The following PLCB4 variants were observed in gnomAD, a reference collection of about 807,000 sequenced individuals.
PLCB4 encodes phospholipase C beta 4.
PLCB4 carries 77 observed loss-of-function variants against 178.8 expected under a neutral mutation model. The observed-to-expected ratio is 0.43, with a 90% CI of 0.36 to 0.52. The LOEUF is 0.52. Among genes scored for constraint, PLCB4 ranks in the 20% least tolerant of loss-of-function variants. PLCB4 has a pLI of 0.00. For synonymous variants in PLCB4, 496 were observed against 490.8 expected (o/e 1.01, Z -0.14); for missense variants, 1,024 against 1,453.4 (o/e 0.70, Z 4.80).
chr20:9,373,425 C>CT (rs1294144677), intron 12 of PLCB4, among the ~76,000 whole-genome samples: 3 of 152,104 alleles, frequency 2.0e-5, no homozygotes, highest in East Asian at 1.9e-4. Flanking sequence ...ATTTAAGGTA[C>CT]TTTTTTTCTA....
intron 3 of PLCB4, among the ~76,000 whole-genome samples, chr20:9,280,165 G>A (rs1460132557): frequency 1.3e-5 from 2 of 152,030 alleles, no homozygotes; most frequent in Non-Finnish European, 2.9e-5. Flanking sequence ...TAGAAGAGGG[G>A]CTGTGGGGTT....
At chr20:9,140,801 A>G (rs1307204123) in intron 2 of PLCB4, among the ~76,000 whole-genome samples, 1 of 152,100 alleles carries the variant, frequency 6.6e-6, no homozygotes, top group African/African-American at 2.4e-5. Context: ...GGAACCGTGA[A>G]CTAAGTAAAC....
chr20:9,108,900 A>G (rs1158557121), intron 2 of PLCB4, among the ~76,000 whole-genome samples: 2 of 10,686 alleles, frequency 1.9e-4, no homozygotes, highest in Non-Finnish European at 2.7e-4. Flanking sequence ...AGAGAAAACA[A>G]GAGAGAGAGA....
At chr20:9,127,238 G>A (rs561342138) in intron 2 of PLCB4, among the ~76,000 whole-genome samples, 3 of 152,126 alleles carry the variant, frequency 2.0e-5, no homozygotes, top group East Asian at 1.9e-4. Context: ...CAGCAGGTCC[G>A]GGAGCCTGAG....
At chr20:9,435,528 T>G (rs949552028) in intron 28 of PLCB4, 32 bp from the exon 29 acceptor site, 2 of 1,215,004 alleles carry the variant, frequency 1.6e-6, no homozygotes, top group African/African-American at 3.0e-5. Context: ...AAACAGAGAA[T>G]TAACGGCTCA....
intron 3 of PLCB4, among the ~76,000 whole-genome samples, chr20:9,296,320 C>T (rs1358742861): frequency 6.6e-6 from 1 of 152,194 alleles, no homozygotes; most frequent in Non-Finnish European, 1.5e-5. Context: ...TACCATCTCA[C>T]ACCAGTTAGA....
intron 35 of PLCB4, among the ~76,000 whole-genome samples, chr20:9,464,695 A>G (rs1038541190): frequency 7.2e-5 from 11 of 152,230 alleles, no homozygotes; most frequent in African/African-American, 2.7e-4. Flanking sequence ...AAATGGATAA[A>G]TTCCTGGACA....
intron 25 of PLCB4, among the ~76,000 whole-genome samples, chr20:9,413,442 A>G (rs993174603): frequency 4.6e-5 from 7 of 151,784 alleles, no homozygotes; most frequent in Admixed American, 3.3e-4. Flanking sequence ...GGCAGATCAC[A>G]AGGTTAGGAG....
chr20:9,368,603 C>A (rs1337059501), intron 9 of PLCB4, among the ~76,000 whole-genome samples: 1 of 152,148 alleles, frequency 6.6e-6, no homozygotes, highest in African/African-American at 2.4e-5. Flanking sequence ...GCCCAGCAGC[C>A]CACGAAGAAG....
intron 2 of PLCB4, among the ~76,000 whole-genome samples, chr20:9,129,314 A>C (rs575500087): frequency 4.4e-4 from 67 of 152,222 alleles, no homozygotes; most frequent in Non-Finnish European, 7.5e-4. Context: ...GTGTATAACT[A>C]TACCAGGTCC....
chr20:9,476,847 C>T, intron 39 of PLCB4, 94 bp downstream of exon 39: 2 of 811,546 alleles, frequency 2.5e-6, no homozygotes, highest in South Asian at 1.5e-5. Context: ...CACATCTGGT[C>T]ATAACTAATA....
At chr20:9,325,138 C>T (rs796068133) in intron 4 of PLCB4, among the ~76,000 whole-genome samples, 5 of 152,316 alleles carry the variant, frequency 3.3e-5, no homozygotes, top group African/African-American at 7.2e-5. Flanking sequence ...AAGAGAAGAA[C>T]TTATCAGTTT....
intron 13 of PLCB4, 44 bp downstream of exon 13, chr20:9,380,206 G>A: frequency 1.0e-6 from 1 of 976,640 alleles, no homozygotes; most frequent in Non-Finnish European, 1.6e-6. Flanking sequence ...AACAAGAAAA[G>A]ATGCAACTTT....
intron 4 of PLCB4, among the ~76,000 whole-genome samples, chr20:9,313,981 C>T (rs758388287): frequency 1.3e-5 from 2 of 152,290 alleles, no homozygotes; most frequent in African/African-American, 4.8e-5. Flanking sequence ...AATGAGGAGG[C>T]CCGTTTCAGG....
intron 2 of PLCB4, among the ~76,000 whole-genome samples, chr20:9,140,336 A>T (rs563239093): frequency 2.6e-5 from 4 of 152,116 alleles, no homozygotes; most frequent in South Asian, 2.1e-4. Context: ...CAGTGTGGCT[A>T]CTTGATTATG....
intron 3 of PLCB4, among the ~76,000 whole-genome samples, chr20:9,228,290 A>T (rs1304895066): frequency 6.6e-6 from 1 of 152,224 alleles, no homozygotes; most frequent in Non-Finnish European, 1.5e-5. Flanking sequence ...CATCAAAATC[A>T]GGAAAAAAAT....
chr20:9,373,208 T>G, intron 12 of PLCB4, 104 bp downstream of exon 12: 1 of 590,928 alleles, frequency 1.7e-6, no homozygotes, highest in East Asian at 3.1e-5. Context: ...TTCGCTTTGC[T>G]TCTGACCTGC....
intron 2 of PLCB4, among the ~76,000 whole-genome samples, chr20:9,122,106 T>G (rs2091976931): frequency 6.6e-6 from 1 of 152,176 alleles, no homozygotes; most frequent in South Asian, 2.1e-4. Context: ...CAAGTTTTGA[T>G]GTATACTGAT....
intron 4 of PLCB4, among the ~76,000 whole-genome samples, chr20:9,322,219 A>T (rs1300941488): frequency 6.9e-6 from 1 of 144,416 alleles, no homozygotes; most frequent in South Asian, 2.2e-4. Flanking sequence ...TTGGTCTCCC[A>T]GAGTACTGGG....
Sources: allele counts gnomAD v4.1 joint callset (sites outside exome capture counted in the v4.1 genomes callset), GRCh38; gene constraint gnomAD v4.1.1; transcripts MANE v1.5; gene names NCBI Gene and HGNC (gene_info 2026-07-23, HGNC 2026-07-21).